Variants in MDGA2 observed in about 807,000 individuals in gnomAD.
MDGA2 encodes the protein MAM domain-containing glycosylphosphatidylinositol anchor protein 2.
Under a neutral mutation model 117.8 loss-of-function variants are expected in MDGA2, and 40 were observed. The observed-to-expected ratio is 0.34, with a 90% CI of 0.26 to 0.44. The LOEUF (loss-of-function observed/expected upper bound fraction) is 0.44, where lower values mean the gene tolerates loss of function less well. MDGA2 is among the 20% of genes least tolerant of loss of function. The pLI, the probability that MDGA2 is intolerant of heterozygous loss-of-function variation, is 1.00. For synonymous variants in MDGA2, 452 were observed against 439.0 expected (o/e 1.03, Z -0.37); for missense variants, 1,123 against 1,250.6 (o/e 0.90, Z 1.54).
chr14:47,296,856 T>A (rs1006802806), intron 2 of MDGA2, among the ~76,000 whole-genome samples: 1 of 152,168 alleles, frequency 6.6e-6, no homozygotes, highest in Non-Finnish European at 1.5e-5. Context: ...ATTATACACA[T>A]TTGAGAGTAC....
Position 47,390,485 on chromosome 14 carries a change from T to A in MDGA2, c.281-88935A>T, listed in dbSNP as rs12589354. On this transcript the variant is annotated intron_variant, in intron 1 of 16. Transcript: ENST00000399232. ...TTTGGATAAAGCCAACTAGCTAATA[T>A]GACAATATGCATGGTCACCCCAATT... is the stretch of plus-strand genomic sequence containing the variant. 2.0e-5 allele frequency among the ~76,000 whole-genome samples: 3 copies of A among 152,198 alleles called. No individual in the cohort carries two copies. The East Asian group carries it at 5.8e-4, about 30-fold the overall frequency.
intron 2 of MDGA2, among the ~76,000 whole-genome samples, chr14:47,224,765 C>G (rs923831472): frequency 6.6e-6 from 1 of 152,052 alleles, no homozygotes; most frequent in African/African-American, 2.4e-5. Context: ...GAGTGCCAGC[C>G]TGCAAGAATA....
At chr14:47,292,134 AC>A (rs1165058653) in intron 2 of MDGA2, among the ~76,000 whole-genome samples, 3 of 152,264 alleles carry the variant, frequency 2.0e-5, no homozygotes, top group Admixed American at 1.3e-4. Context: ...AATCCGCCTG[AC>A]TTTTTAGTTG....
chr14:47,579,614 C>T (rs866342673), intron 1 of MDGA2, among the ~76,000 whole-genome samples: 1 of 151,852 alleles, frequency 6.6e-6, no homozygotes, highest in African/African-American at 2.4e-5. Context: ...ATAATAAGGG[C>T]CAATGGACTG....
chr14:47,518,053 T>C (rs1301476129), intron 1 of MDGA2, among the ~76,000 whole-genome samples: 1 of 152,088 alleles, frequency 6.6e-6, no homozygotes, highest in Non-Finnish European at 1.5e-5. Flanking sequence ...GAGATTTTTA[T>C]ATTGTAGGTG....
At chr14:47,196,709 G>C (rs918347857) in intron 3 of MDGA2, among the ~76,000 whole-genome samples, 2 of 152,154 alleles carry the variant, frequency 1.3e-5, no homozygotes, top group African/African-American at 4.8e-5. Flanking sequence ...GTGTAAGTTT[G>C]TTACATGGGT....
At chr14:47,284,145 A>C (rs1888592022) in intron 2 of MDGA2, among the ~76,000 whole-genome samples, 1 of 152,182 alleles carries the variant, frequency 6.6e-6, no homozygotes, top group African/African-American at 2.4e-5. Flanking sequence ...TGTTTTTCTA[A>C]TAAAATATAA....
chr14:47,611,007 T>G (rs150618012), intron 1 of MDGA2, among the ~76,000 whole-genome samples: 1 of 151,802 alleles, frequency 6.6e-6, no homozygotes, highest in Non-Finnish European at 1.5e-5. Context: ...GGTATAAAAA[T>G]AGGCACATAG....
chr14:47,307,446 C>G (rs534419424), intron 1 of MDGA2, among the ~76,000 whole-genome samples: 1 of 152,106 alleles, frequency 6.6e-6, no homozygotes, highest in South Asian at 2.1e-4. Context: ...TTTGGGAGTC[C>G]GAGGCAGGCA....
At chr14:47,138,939 C>G (rs78694359) in intron 4 of MDGA2, among the ~76,000 whole-genome samples, 4,191 of 151,964 alleles carry the variant, frequency 0.028, 176 homozygotes, top group African/African-American at 0.096. Flanking sequence ...CAATTTTTTT[C>G]TGGAAACATT....
At chr14:47,110,615 T>C (rs1046598615) in intron 5 of MDGA2, among the ~76,000 whole-genome samples, 2 of 152,194 alleles carry the variant, frequency 1.3e-5, no homozygotes, top group Non-Finnish European at 2.9e-5. Flanking sequence ...CTTTATTTTA[T>C]AGAAATTTTG....
intron 1 of MDGA2, among the ~76,000 whole-genome samples, chr14:47,528,696 A>G (rs1238776585): frequency 6.6e-6 from 1 of 152,210 alleles, no homozygotes; most frequent in African/African-American, 2.4e-5. Context: ...TTAGATTAAT[A>G]TTTATTTGCT....
chr14:47,271,693 A>C (rs1888149252), intron 2 of MDGA2, among the ~76,000 whole-genome samples: 1 of 152,158 alleles, frequency 6.6e-6, no homozygotes, highest in African/African-American at 2.4e-5. Flanking sequence ...TTTAGACATA[A>C]AACATCAATA....
At chr14:47,371,987 C>A (rs1426660559) in intron 1 of MDGA2, among the ~76,000 whole-genome samples, 1 of 151,532 alleles carries the variant, frequency 6.6e-6, no homozygotes, top group African/African-American at 2.4e-5. Flanking sequence ...TATATAATTT[C>A]ATTTTATAAA....
chr14:46,913,988 A>T (rs981413086), intron 10 of MDGA2, among the ~76,000 whole-genome samples: 2 of 152,144 alleles, frequency 1.3e-5, no homozygotes, highest in African/African-American at 4.8e-5. Context: ...GGATTTTTTT[A>T]AAATAAAATA....
rs1311481425 is a variant in MDGA2, at chr14:47,347,010, G to C, written c.281-45460C>G. 2.0e-5 allele frequency among the ~76,000 whole-genome samples: 3 copies of C among 152,164 alleles called. No individual in the cohort carries two copies. In the East Asian group the frequency reaches 5.8e-4, roughly 29 times the overall value. The stretch of plus-strand genomic sequence containing the variant: ...TAATGGAAGGACAACTGGGACGGGG[G>C]AGTGCACCACAAACACAACCACTGT... On this transcript the variant is annotated intron_variant, in intron 1 of 16. Transcript: ENST00000399232.
At chr14:47,224,308 G>C (rs1413052288) in intron 2 of MDGA2, among the ~76,000 whole-genome samples, 1 of 151,880 alleles carries the variant, frequency 6.6e-6, no homozygotes, top group East Asian at 1.9e-4. Flanking sequence ...TATAGATATA[G>C]ATATAGATAT....
At chr14:47,337,116 C>A (rs8017909) in intron 1 of MDGA2, among the ~76,000 whole-genome samples, 24,869 of 151,970 alleles carry the variant, frequency 0.16, 2,480 homozygotes, top group South Asian at 0.34. Context: ...AACCCTAATA[C>A]TAACTATAAC....
Position 47,111,121 on chromosome 14 carries a change from C to T in MDGA2, c.926-13998G>A, listed in dbSNP as rs113732313. Among the ~76,000 whole-genome samples, 101 of 152,260 alleles carry T rather than the reference C, an allele frequency of 6.6e-4. 1 individual carries two copies. Among genetic ancestry groups the T allele is most frequent in the African/African-American group, 2.3e-3 (97 of 41,562 alleles). On this transcript the variant is annotated intron_variant, in intron 5 of 16. Coordinates refer to ENST00000399232, the MANE Select transcript of MDGA2 (RefSeq NM_001113498.3). ...AGACATTCTCCAAAAGCTTTGCATACATTAACTCATTTAATTATAGGAGGT... is the reference window on the plus strand; with the variant it reads ...AGACATTCTCCAAAAGCTTTGCATATATTAACTCATTTAATTATAGGAGGT...
Sources: gnomAD v4.1 joint callset for allele counts (sites outside exome capture counted in the v4.1 genomes callset) on GRCh38, gnomAD v4.1.1 for gene constraint, MANE v1.5 for transcripts, NCBI Gene and HGNC (gene_info 2026-07-23, HGNC 2026-07-21) for gene names.